CUBN: variants seen among roughly 807,000 people sequenced by gnomAD.
CUBN encodes 460 kDa receptor.
Under a neutral mutation model 405.3 loss-of-function variants are expected in CUBN, and 282 were observed. The observed-to-expected ratio is 0.70, with a 90% CI of 0.63 to 0.77. The LOEUF (loss-of-function observed/expected upper bound fraction) is 0.77, where lower values mean the gene tolerates loss of function less well. CUBN is among the 30% of genes least tolerant of loss of function. CUBN has a pLI of 0.00. For synonymous variants in CUBN, 1,684 were observed against 1,617.0 expected, an observed-to-expected ratio of 1.04 and a Z score of -0.99; for missense variants, 4,514 against 4,475.2, an observed-to-expected ratio of 1.01 and a Z score of -0.25.
chr10:16,920,164 C>A (rs1385969337), intron 43 of CUBN, 27 bp from the exon 44 acceptor site: 2 of 1,612,360 alleles, frequency 1.2e-6, no homozygotes, highest in Non-Finnish European at 1.7e-6. Flanking sequence ...TTAAATCAGT[C>A]TATGATCTGG....
chr10:17,071,909 T>C lies in CUBN; in HGVS notation c.2364A>G (p.Lys788=). 2 of 1,613,410 alleles carry C rather than the reference T, an allele frequency of 1.2e-6. No individual in the cohort carries two copies. Among genetic ancestry groups the C allele is most frequent in the Non-Finnish European group, 1.7e-6 (2 of 1,179,708 alleles). ...VCGNGTISHI[K]SITNSVWIRF... The stretch of plus-strand genomic sequence containing the variant: ...TGATCCAGACACTATTAGTAATGGA[T>C]TTAATGTGAGAGATGGTTCCGTTGC... Residue 788 remains lysine (K), a synonymous_variant, in exon 18 of 67, where the codon AAA becomes AAG. Coordinates refer to ENST00000377833, the MANE Select transcript of CUBN (RefSeq NM_001081.4).
At chr10:17,037,865 A>G (rs1235012797) in intron 27 of CUBN, among the ~76,000 whole-genome samples, 1 of 151,678 alleles carries the variant, frequency 6.6e-6, no homozygotes, top group Non-Finnish European at 1.5e-5. Context: ...GACCAGAGTC[A>G]CATTGATCTC....
In CUBN at chr10:16,900,694, C is replaced by T. The variant is rs746265582; in HGVS notation, c.8341G>A (p.Val2781Met). The T allele has an allele frequency of 8.4e-5, 136 of 1,614,016 alleles. No homozygotes were observed. The highest frequency in any genetic ancestry group is 9.3e-5 in the Non-Finnish European group (110 of 1,179,984). The change falls in exon 53 of 67, where the codon GTG (valine) becomes ATG (methionine). Residue 2781 changes from valine to methionine, a missense_variant. Coordinates refer to ENST00000377833, the MANE Select transcript of CUBN (RefSeq NM_001081.4). Reference protein sequence around the residue: ...TIQSGSNQLVVTFNSDHSLQG... With the variant: ...TIQSGSNQLVMTFNSDHSLQG... ...AATGAATGGTCTGAGTTAAAAGTCACGACCAGCTGATTGGAACCTGACTGT... is the reference window on the plus strand; with the variant it reads ...AATGAATGGTCTGAGTTAAAAGTCATGACCAGCTGATTGGAACCTGACTGT...
intron 17 of CUBN, among the ~76,000 whole-genome samples, chr10:17,078,882 C>G (rs1020996193): frequency 6.6e-6 from 1 of 152,160 alleles, no homozygotes; most frequent in African/African-American, 2.4e-5. Flanking sequence ...AATGGTCCAT[C>G]CATATCCTCT....
At chr10:16,974,301 G>T (rs1833025032) in intron 31 of CUBN, among the ~76,000 whole-genome samples, 1 of 152,314 alleles carries the variant, frequency 6.6e-6, no homozygotes. Context: ...CTTAGCTGAA[G>T]CACTGTGCTG....
intron 31 of CUBN, among the ~76,000 whole-genome samples, chr10:16,956,358 C>A (rs1166183879): frequency 6.6e-6 from 1 of 151,336 alleles, no homozygotes; most frequent in African/African-American, 2.4e-5. Flanking sequence ...ATAAATGAAA[C>A]CTGATGACTG....
chr10:16,960,877 G>T (rs775476142), intron 31 of CUBN, among the ~76,000 whole-genome samples: 2 of 152,106 alleles, frequency 1.3e-5, no homozygotes, highest in African/African-American at 4.8e-5. Flanking sequence ...CATGCACTCC[G>T]CTCCCAGGGG....
chr10:16,991,238 C>G (rs1219662067), intron 28 of CUBN, among the ~76,000 whole-genome samples: 1 of 152,198 alleles, frequency 6.6e-6, no homozygotes, highest in Non-Finnish European at 1.5e-5. Context: ...TTCATTGAGT[C>G]CTCATATGGG....
intron 64 of CUBN, among the ~76,000 whole-genome samples, chr10:16,833,336 T>C (rs1839065355): frequency 1.3e-5 from 2 of 152,208 alleles, no homozygotes; most frequent in Admixed American, 1.3e-4. Flanking sequence ...CCTCTTCATT[T>C]CCTCCCTGCT....
chr10:16,881,684 T>C (rs957630019), intron 56 of CUBN, among the ~76,000 whole-genome samples: 2 of 152,198 alleles, frequency 1.3e-5, no homozygotes, highest in Non-Finnish European at 1.5e-5. Flanking sequence ...CTAGTAGTCG[T>C]TTGTTTAAGG....
At chr10:17,049,560 T>C (rs1322012131) in intron 22 of CUBN, among the ~76,000 whole-genome samples, 2 of 152,208 alleles carry the variant, frequency 1.3e-5, no homozygotes, top group African/African-American at 4.8e-5. Flanking sequence ...GTGATTATTC[T>C]GGAACAACTG....
intron 8 of CUBN, among the ~76,000 whole-genome samples, chr10:17,112,832 G>A (rs897737063): frequency 6.6e-6 from 1 of 151,812 alleles, no homozygotes; most frequent in African/African-American, 2.4e-5. Flanking sequence ...TGCGATCTTG[G>A]GCAAGTTATT....
intron 32 of CUBN, among the ~76,000 whole-genome samples, chr10:16,953,818 T>G (rs1178966460): frequency 6.7e-6 from 1 of 148,922 alleles, no homozygotes. Flanking sequence ...ACCACTGCAC[T>G]CCAGCCTGGG....
rs894475901 is a variant in CUBN at position 17,108,499 on chromosome 10, T to C, written c.1111+1141A>G. 1.2e-4 allele frequency among the ~76,000 whole-genome samples: 18 copies of C among 152,070 alleles called. No homozygotes were observed. In the East Asian group the frequency reaches 3.1e-3, roughly 26 times the overall value. On this transcript the variant is annotated intron_variant, in intron 10 of 66. Coordinates refer to ENST00000377833, the MANE Select transcript of CUBN (RefSeq NM_001081.4). Reference sequence around the variant, plus strand: ...TGGTATCTTGAAATAGCAAGAGACATGATTATTCAAGAAATGGAACTGGGT... The same window carrying C: ...TGGTATCTTGAAATAGCAAGAGACACGATTATTCAAGAAATGGAACTGGGT...
chr10:16,869,164 A>ATTTTTT lies in CUBN; in HGVS notation c.9454+466_9454+471dup, dbSNP rs72310717. On this transcript the variant is annotated intron_variant, in intron 59 of 66. Coordinates refer to ENST00000377833, the MANE Select transcript of CUBN (RefSeq NM_001081.4). ...CTTCCTCCACTGTGCTACCAAAGTG[A>ATTTTTT]TTTTTTTTTTTTTTTTTTTGAGACA... Among the ~76,000 whole-genome samples the ATTTTTT allele has an allele frequency of 4.9e-3, 599 of 121,034 alleles. 11 individuals carry two copies. The highest frequency in any genetic ancestry group is 6.4e-3 in the Non-Finnish European group (376 of 58,922). 79.4% of individuals were successfully genotyped at this position (121,034 alleles called of 152,430 possible).
chr10:16,894,709 A>T (rs1272468304), intron 54 of CUBN, among the ~76,000 whole-genome samples: 1 of 152,210 alleles, frequency 6.6e-6, no homozygotes. Flanking sequence ...TAAGTTGTGG[A>T]AAAAGTTGTC....
intron 56 of CUBN, among the ~76,000 whole-genome samples, chr10:16,881,393 G>A (rs924890414): frequency 6.6e-6 from 1 of 152,204 alleles, no homozygotes; most frequent in African/African-American, 2.4e-5. Flanking sequence ...GGAACTAGTT[G>A]AAATACAGAA....
intron 28 of CUBN, among the ~76,000 whole-genome samples, chr10:17,001,215 G>C (rs867464304): frequency 6.6e-6 from 1 of 152,320 alleles, no homozygotes; most frequent in East Asian, 1.9e-4. Context: ...AACGTAGTGC[G>C]GACCCAAAGA....
chr10:16,898,205 C>G (rs554378183), intron 54 of CUBN, among the ~76,000 whole-genome samples: 1 of 152,006 alleles, frequency 6.6e-6, no homozygotes, highest in Non-Finnish European at 1.5e-5. Flanking sequence ...TTTGACTCAT[C>G]AAGTGACTTT....
Sources: allele counts gnomAD v4.1 joint callset (sites outside exome capture counted in the v4.1 genomes callset), GRCh38; gene constraint gnomAD v4.1.1; transcripts MANE v1.5; gene names NCBI Gene and HGNC (gene_info 2026-07-23, HGNC 2026-07-21).